Variants in ASAH2 observed in about 807,000 individuals in gnomAD.
ASAH2 encodes the protein neutral ceramidase.
In ASAH2, 58 loss-of-function variants were observed where a neutral mutation model predicts 82.9. The ratio of observed to expected loss-of-function variants is 0.70; its 90% CI spans 0.57 to 0.87. ASAH2 has a LOEUF of 0.87. Among genes scored for constraint, ASAH2 ranks in the 40% least tolerant of loss-of-function variants. The probability of loss-of-function intolerance (pLI) is 0.00; values close to 1 mark genes in which losing one functional copy is unlikely to be tolerated. For missense variants in ASAH2, 779 were observed against 834.0 expected (o/e 0.93, Z 0.81); for synonymous variants, 276 against 289.7 (o/e 0.95, Z 0.48).
intron 7 of ASAH2, among the ~76,000 whole-genome samples, chr10:50,229,284 C>T (rs1004387225): frequency 7.8e-4 from 119 of 151,990 alleles, no homozygotes; most frequent in African/African-American, 2.6e-3. Context: ...TTTTAATTCA[C>T]AATTCAGAAC....
intron 12 of ASAH2, among the ~76,000 whole-genome samples, chr10:50,207,885 T>C (rs1845345883): frequency 6.6e-6 from 1 of 151,892 alleles, no homozygotes; most frequent in Non-Finnish European, 1.5e-5. Flanking sequence ...ACATTTTCTC[T>C]GATAAATAGG....
chr10:50,239,740 C>A (rs1212433232), intron 4 of ASAH2, among the ~76,000 whole-genome samples: 1 of 147,322 alleles, frequency 6.8e-6, no homozygotes, highest in Non-Finnish European at 1.5e-5. Flanking sequence ...TTAATCCATA[C>A]AAGGCACTGA....
chr10:50,227,907 A>G (rs917772688), intron 7 of ASAH2, among the ~76,000 whole-genome samples: 1 of 152,250 alleles, frequency 6.6e-6, no homozygotes, highest in African/African-American at 2.4e-5. Context: ...CTTCACAACC[A>G]TGACCAAGCT....
chr10:50,200,615 G>A (rs34935840), intron 16 of ASAH2, among the ~76,000 whole-genome samples: 142,487 of 151,974 alleles, frequency 0.94, 67,487 homozygotes, highest in East Asian at 1. Context: ...GCCTTTCATG[G>A]AAATGTAATC....
chr10:50,196,534 C>T (rs1844989010), intron 18 of ASAH2, among the ~76,000 whole-genome samples: 1 of 147,508 alleles, frequency 6.8e-6, no homozygotes. Flanking sequence ...GTGAATAGTT[C>T]CATGATCATT....
At chr10:50,239,726 T>C (rs1413705581) in intron 4 of ASAH2, among the ~76,000 whole-genome samples, 5 of 151,926 alleles carry the variant, frequency 3.3e-5, no homozygotes, top group Non-Finnish European at 5.9e-5. Context: ...GAGGAATAAG[T>C]ACATTAATCC....
intron 1 of ASAH2, among the ~76,000 whole-genome samples, chr10:50,250,381 T>C (rs1846583371): frequency 6.6e-6 from 1 of 152,172 alleles, no homozygotes; most frequent in South Asian, 2.1e-4. Flanking sequence ...TGGGAAGCTT[T>C]CCTCATCCAC....
intron 2 of ASAH2, among the ~76,000 whole-genome samples, chr10:50,247,876 A>G (rs990557419): frequency 2.0e-5 from 3 of 152,118 alleles, no homozygotes; most frequent in African/African-American, 7.2e-5. Flanking sequence ...TCCAATTTCC[A>G]GGTTCTCTGG....
At chr10:50,232,945 CTCTCATTTA>C (rs1846055890) in intron 7 of ASAH2, among the ~76,000 whole-genome samples, 1 of 152,068 alleles carries the variant, frequency 6.6e-6, no homozygotes, top group African/African-American at 2.4e-5. Context: ...TCACCAAGAT[CTCTCATTTA>C]TCTTCCCTGT....
intron 4 of ASAH2, among the ~76,000 whole-genome samples, chr10:50,238,966 C>T (rs1846226401): frequency 6.6e-6 from 1 of 152,084 alleles, no homozygotes; most frequent in Non-Finnish European, 1.5e-5. Flanking sequence ...AGGAAGATAA[C>T]CATTAAAAAT....
intron 3 of ASAH2, among the ~76,000 whole-genome samples, chr10:50,243,630 G>A (rs1846367530): frequency 6.6e-6 from 1 of 152,216 alleles, no homozygotes. Context: ...CTTATGGGCA[G>A]GAGGGAGCTG....
intron 7 of ASAH2, among the ~76,000 whole-genome samples, chr10:50,227,937 G>A (rs1845932187): frequency 6.6e-6 from 1 of 152,132 alleles, no homozygotes; most frequent in East Asian, 1.9e-4. Flanking sequence ...AAGAATACAG[G>A]CAAACAGAAA....
intron 17 of ASAH2, among the ~76,000 whole-genome samples, chr10:50,198,046 TA>T (rs1845033646): frequency 6.7e-6 from 1 of 149,768 alleles, no homozygotes; most frequent in African/African-American, 2.4e-5. Context: ...AGAAATTATA[TA>T]AAATACTGAA....
At chr10:50,204,827 C>T (rs1264781371) in intron 14 of ASAH2, 34 bp downstream of exon 14, 1 of 1,460,300 alleles carries the variant, frequency 6.8e-7, no homozygotes, top group Admixed American at 1.8e-5. Flanking sequence ...ACAACAAACA[C>T]ATTTTTAACT....
chr10:50,237,692 A>C (rs1166769069), intron 4 of ASAH2, among the ~76,000 whole-genome samples: 1 of 152,234 alleles, frequency 6.6e-6, no homozygotes, highest in Non-Finnish European at 1.5e-5. Flanking sequence ...AGAAAACACC[A>C]GACAGAATAC....
intron 7 of ASAH2, among the ~76,000 whole-genome samples, chr10:50,229,866 C>T (rs1845981866): frequency 1.3e-5 from 2 of 152,182 alleles, no homozygotes; most frequent in South Asian, 4.1e-4. Flanking sequence ...AAGTTCTACA[C>T]ACCTGCCTTT....
intron 17 of ASAH2, among the ~76,000 whole-genome samples, chr10:50,198,064 AAC>A (rs34354109): frequency 0.21 from 31,567 of 150,308 alleles, 2,487 homozygotes; most frequent in Non-Finnish European, 0.29. Context: ...TGAAATTTCA[AAC>A]ACACAATCAG....
intron 1 of ASAH2, among the ~76,000 whole-genome samples, chr10:50,250,584 C>A: frequency 6.6e-6 from 1 of 152,174 alleles, no homozygotes. Context: ...GTTTCACCAG[C>A]AAACTTCAAA....
At chr10:50,218,411 A>C in intron 8 of ASAH2, 99 bp downstream of exon 8, 1 of 1,521,328 alleles carries the variant, frequency 6.6e-7, no homozygotes, top group Non-Finnish European at 9.1e-7. Flanking sequence ...ATTGATGATG[A>C]CACTTTATTC....
Sources: gnomAD v4.1 joint callset for allele counts (sites outside exome capture counted in the v4.1 genomes callset) on GRCh38, gnomAD v4.1.1 for gene constraint, MANE v1.5 for transcripts, NCBI Gene and HGNC (gene_info 2026-07-23, HGNC 2026-07-21) for gene names.